PHF21A: variants seen among roughly 807,000 people sequenced by gnomAD.
PHF21A encodes the protein PHD finger protein 21A.
In PHF21A, 11 loss-of-function variants were observed where a neutral mutation model predicts 82.5. The observed-to-expected ratio is 0.13, with a 90% CI of 0.08 to 0.22. The LOEUF (loss-of-function observed/expected upper bound fraction) is 0.22, where lower values mean the gene tolerates loss of function less well. PHF21A is among the 10% of genes least tolerant of loss of function. PHF21A has a pLI of 1.00. For synonymous variants in PHF21A, 297 were observed against 302.8 expected (o/e 0.98, Z 0.20); for missense variants, 579 against 837.8 (o/e 0.69, Z 3.81).
intron 6 of PHF21A, among the ~76,000 whole-genome samples, chr11:46,039,603 T>C (rs2096082658): frequency 6.6e-6 from 1 of 152,176 alleles, no homozygotes; most frequent in Non-Finnish European, 1.5e-5. Flanking sequence ...ATTCCTCCTA[T>C]GAATCAATAA....
chr11:46,003,146 A>C lies in PHF21A; in HGVS notation c.154-23180T>G, dbSNP rs575994879. On this transcript the variant is annotated intron_variant, in intron 6 of 18. Transcript: ENST00000676320. ...AAAACAGGAGTAGAATAATTTCCTC[A>C]ATAGAATCTTTTTAAAGCTCAGATT... Among the ~76,000 whole-genome samples, 4 of 152,298 alleles carry C rather than the reference A, an allele frequency of 2.6e-5. No homozygotes were observed. In the East Asian group the frequency reaches 7.7e-4, roughly 29 times the overall value.
rs539986476 is a variant in PHF21A, at chr11:46,001,570, C to A, written c.154-21604G>T. Among the ~76,000 whole-genome samples, 9 of 152,208 alleles carry A rather than the reference C, an allele frequency of 5.9e-5. No individual in the cohort carries two copies. The East Asian group carries it at 1.7e-3, about 29-fold the overall frequency. On this transcript the variant is annotated intron_variant, in intron 6 of 18. Transcript: ENST00000676320. ...AAAACAAAAACACTGCTAGCTAACA[C>A]TGAATTTTTGTATAAGAAAAGAACA...
chr11:46,071,697 A>T (rs2096658108), intron 6 of PHF21A, among the ~76,000 whole-genome samples: 1 of 150,846 alleles, frequency 6.6e-6, no homozygotes, highest in African/African-American at 2.4e-5. Flanking sequence ...CATTCATATA[A>T]AAGGGTATAT....
chr11:46,024,329 T>C (rs1011283112), intron 6 of PHF21A, among the ~76,000 whole-genome samples: 11 of 152,238 alleles, frequency 7.2e-5, no homozygotes, highest in Admixed American at 2.6e-4. Context: ...CCTTCTCTTT[T>C]TCTTGTAGCC....
At chr11:45,992,966 T>TGTAGA (rs888380025) in intron 6 of PHF21A, among the ~76,000 whole-genome samples, 1 of 152,208 alleles carries the variant, frequency 6.6e-6, no homozygotes, top group Admixed American at 6.5e-5. Context: ...TTTAAAGAGC[T>TGTAGA]GTAGAGTAGA....
chr11:45,987,466 CCTGG>C (rs1165850289), intron 6 of PHF21A, among the ~76,000 whole-genome samples: 1 of 151,506 alleles, frequency 6.6e-6, no homozygotes, highest in African/African-American at 2.4e-5. Flanking sequence ...TCGAGACCAG[CCTGG>C]CAAATATGGT....
intron 8 of PHF21A, chr11:45,970,823 TA>T: frequency 2.9e-6 from 1 of 343,926 alleles, no homozygotes; most frequent in East Asian, 5.6e-5. Context: ...GAGGGAGACA[TA>T]AATGAAACAG....
intron 1 of PHF21A, among the ~76,000 whole-genome samples, chr11:46,108,697 T>G (rs1239294359): frequency 1.3e-5 from 2 of 152,106 alleles, no homozygotes; most frequent in Non-Finnish European, 1.5e-5. Context: ...CTAACTTAGA[T>G]GCACAGCTTT....
chr11:46,038,403 C>T (rs1279658186), intron 6 of PHF21A, among the ~76,000 whole-genome samples: 1 of 152,170 alleles, frequency 6.6e-6, no homozygotes, highest in Non-Finnish European at 1.5e-5. Context: ...GCTGGAATTA[C>T]AGGTGTGTGC....
chr11:46,103,964 G>A lies in PHF21A; in HGVS notation c.-236-11741C>T, dbSNP rs559738514. On this transcript the variant is annotated intron_variant, in intron 1 of 18. Transcript: ENST00000676320. ...TTACCCCAAAACTCCTCAAATCTGA[G>A]GAGATCATTGTACCTTTTCTCATAA... 3.3e-5 allele frequency among the ~76,000 whole-genome samples: 5 copies of A among 152,158 alleles called. No homozygotes were observed. In the East Asian group the frequency reaches 9.7e-4, roughly 29 times the overall value.
chr11:45,965,732 A>C (rs2135942115), intron 9 of PHF21A, 124 bp from the exon 10 acceptor site: 1 of 763,610 alleles, frequency 1.3e-6, no homozygotes, highest in Middle Eastern at 3.9e-4. Flanking sequence ...ATTTTGGTAC[A>C]TTAATTCTAT....
chr11:45,958,288 A>G lies in PHF21A; in HGVS notation c.997-4663T>C, dbSNP rs543941906. ...ATACCAAAGCCAAAGACACCAAAGA[A>G]TAGAAAATGGGCTGGGCGTGGTGGC... On this transcript the variant is annotated intron_variant, in intron 10 of 18. Transcript: ENST00000676320. Among the ~76,000 whole-genome samples the G allele has an allele frequency of 1.3e-3, 193 of 148,762 alleles. 1 individual carries two copies. The highest frequency in any genetic ancestry group is 2.2e-3 in the South Asian group (10 of 4,630).
rs372120817 is a variant in PHF21A at position 45,965,539 on chromosome 11, G to T, written c.772C>A (p.Pro258Thr). ...ATGACGGGCCTCTGGATAAGCTGAG[G>T]AGCTGCGAGCATGGGAGGTGGTGCT... ...APAPPPMLAA[P>T]QLIQRPVMLT... The change falls in exon 10 of 19, where the codon CCT becomes ACT. Residue 258 changes from proline to threonine, a missense_variant. Physicochemically the swap from Pro to Thr is conservative, Grantham distance 38 (BLOSUM62 -1). Around this residue, in one of 3 missense-constraint regions of PHF21A, gnomAD observed 410 missense variants for 642.1 expected, o/e 0.64. Transcript: ENST00000676320. 6.2e-7 allele frequency: 1 copy of T among 1,601,176 alleles called. No homozygotes were observed. The highest frequency in any genetic ancestry group is 8.5e-7 in the Non-Finnish European group (1 of 1,172,206).
chr11:46,042,936 G>T (rs1159635031), intron 6 of PHF21A, among the ~76,000 whole-genome samples: 2 of 152,086 alleles, frequency 1.3e-5, no homozygotes, highest in African/African-American at 4.8e-5. Flanking sequence ...GATCCAGTCT[G>T]AGGTATTTTG....
intron 6 of PHF21A, among the ~76,000 whole-genome samples, chr11:46,027,890 C>T (rs1392724810): frequency 1.3e-5 from 2 of 152,202 alleles, no homozygotes; most frequent in East Asian, 3.8e-4. Flanking sequence ...ATTTGAACAT[C>T]TCAGAACTGT....
intron 11 of PHF21A, among the ~76,000 whole-genome samples, chr11:45,953,196 G>C (rs770093745): frequency 3.9e-5 from 6 of 152,192 alleles, no homozygotes; most frequent in Non-Finnish European, 7.3e-5. Flanking sequence ...ACACAGTAAT[G>C]ATTAGGAATG....
In PHF21A at chr11:45,930,884, G is replaced by C. The variant is rs1432969562; in HGVS notation, c.*3084C>G. 1.3e-5 allele frequency: 2 copies of C among 150,184 alleles called. No homozygotes were observed. The highest frequency in any genetic ancestry group is 1.5e-5 in the Non-Finnish European group (1 of 68,148). The allele number at this position is 150,184 out of a possible 1,614,324, so 9.3% of individuals were successfully genotyped here. On this transcript the variant is annotated 3_prime_UTR_variant, in exon 19 of 19. Coordinates refer to ENST00000676320, the MANE Select transcript of PHF21A (RefSeq NM_001352027.3). ...GCTGGGGTGGGGCAGTGTCACGAGC[G>C]TATGTCTCAGGTGGTCACAGGCCCC...
chr11:45,943,121 C>CTT (rs3061870), intron 15 of PHF21A, among the ~76,000 whole-genome samples: 54,990 of 112,044 alleles, frequency 0.49, 16,471 homozygotes, highest in Non-Finnish European at 0.64. Context: ...TCTTTCTTTC[C>CTT]TTTTTTTTTT....
At chr11:46,066,816 T>C (rs2096599667) in intron 6 of PHF21A, among the ~76,000 whole-genome samples, 2 of 152,222 alleles carry the variant, frequency 1.3e-5, no homozygotes, top group Non-Finnish European at 2.9e-5. Flanking sequence ...CTGTGAATGG[T>C]TCTGTGTAAA....
Sources: allele counts gnomAD v4.1 joint callset (sites outside exome capture counted in the v4.1 genomes callset), GRCh38; gene constraint gnomAD v4.1.1; regional missense constraint gnomAD v4.1.1; transcripts MANE v1.5; gene names NCBI Gene and HGNC (gene_info 2026-07-23, HGNC 2026-07-21).